BACE1-AS: variants seen among roughly 807,000 people sequenced by gnomAD.
The protein encoded by BACE1-AS is BACE1 antisense RNA, also known as BACE1 antisense RNA (non-protein coding).
intron 2 of BACE1-AS, chr11:117,291,904 G>T: frequency 1.1e-6 from 1 of 891,426 alleles, no homozygotes; most frequent in Non-Finnish European, 1.8e-6. Flanking sequence ...CCCCAGCTGG[G>T]TTGGCATCTT....
At chr11:117,291,839 A>G (rs749128675) in intron 2 of BACE1-AS, 1 of 1,568,344 alleles carries the variant, frequency 6.4e-7, no homozygotes, top group Non-Finnish European at 8.8e-7. Flanking sequence ...GAGAGTTAAA[A>G]GAGTCAAAAG....
At chr11:117,291,659 G>A (rs540255037) in intron 1 of BACE1-AS, 78 of 1,309,022 alleles carry the variant, frequency 6.0e-5, no homozygotes, top group Middle Eastern at 1.8e-4. Context: ...GACTCTCACC[G>A]CCTCCCTCTG....
chr11:117,291,822 G>A (rs1212254420), intron 2 of BACE1-AS: 11 of 1,593,728 alleles, frequency 6.9e-6, no homozygotes, highest in Admixed American at 1.7e-5. Context: ...TACTAAGAGG[G>A]AAAAGAGAGA....
chr11:117,291,677 A>G, intron 1 of BACE1-AS: 1 of 1,468,138 alleles, frequency 6.8e-7, no homozygotes, highest in Non-Finnish European at 9.5e-7. Flanking sequence ...CTGACACTGT[A>G]CCATCTCTTT....
At chr11:117,291,679 C>A in intron 1 of BACE1-AS, 2 of 1,479,962 alleles carry the variant, frequency 1.4e-6, no homozygotes, top group Admixed American at 1.7e-5. Flanking sequence ...GACACTGTAC[C>A]ATCTCTTTTA....
chr11:117,292,055 C>T (rs1007647521), intron 2 of BACE1-AS: 3 of 276,162 alleles, frequency 1.1e-5, no homozygotes, highest in African/African-American at 6.5e-5. Flanking sequence ...ATGTAAAGCA[C>T]TTAGAATCGT....
chr11:117,291,655 C>T, intron 1 of BACE1-AS: 2 of 1,284,002 alleles, frequency 1.6e-6, no homozygotes. Context: ...ATGTGACTCT[C>T]ACCGCCTCCC....
chr11:117,292,012 A>G, intron 2 of BACE1-AS: 1 of 427,584 alleles, frequency 2.3e-6, no homozygotes, highest in East Asian at 3.8e-5. Flanking sequence ...CACCTACCTC[A>G]AAGGGTTATT....
exon 2 of BACE1-AS, chr11:117,291,758 T>G: frequency 6.2e-7 from 1 of 1,613,656 alleles, no homozygotes; most frequent in African/African-American, 1.3e-5. Flanking sequence ...AAACACTTTC[T>G]TGGGCAAACG....
chr11:117,291,690 C>T lies in BACE1-AS; in HGVS notation n.57-13C>T, dbSNP rs758654476. On this transcript the variant is annotated splice_polypyrimidine_tract_variant and intron_variant and non_coding_transcript_variant, in intron 1 of 3. Transcript: ENST00000614401. ...CTCTGACACTGTACCATCTCTTTTA[C>T]CCCCATCCTTAGTCCACTCACGGAG... The T allele has an allele frequency of 5.2e-6, 8 of 1,551,822 alleles. No individual in the cohort carries two copies. In the South Asian group the frequency reaches 8.9e-5, roughly 17 times the overall value.
chr11:117,291,769 A>G, exon 2 of BACE1-AS: 1 of 1,613,490 alleles, frequency 6.2e-7, no homozygotes, highest in African/African-American at 1.3e-5. Context: ...TGGGCAAACG[A>G]AGGTTGGTGG....
At chr11:117,291,866 T>C in intron 2 of BACE1-AS, 1 of 1,415,280 alleles carries the variant, frequency 7.1e-7, no homozygotes, top group South Asian at 1.2e-5. Flanking sequence ...GATGCTGGGC[T>C]CTGGGCAGTA....
exon 2 of BACE1-AS, chr11:117,291,747 C>T (rs2034444836): frequency 1.9e-6 from 3 of 1,613,530 alleles, no homozygotes; most frequent in African/African-American, 2.7e-5. Context: ...ACTGCAGCTT[C>T]AAACACTTTC....
Position 117,291,964 on chromosome 11 carries a change from C to T in BACE1-AS, n.125+193C>T, listed in dbSNP as rs2034452461. The T allele has an allele frequency of 4.4e-5, 23 of 527,514 alleles. 1 individual carries two copies. In the South Asian group the frequency reaches 5.2e-4, roughly 12 times the overall value. 32.7% of individuals were successfully genotyped at this position (527,514 alleles called of 1,614,324 possible). ...CTGCTTGGACAAGTTAACCTCTGTG[C>T]CTCAGTTCCTTCATCTCTAAAGTGA... On this transcript the variant is annotated intron_variant and non_coding_transcript_variant, in intron 2 of 3. Coordinates refer to ENST00000614401, the Ensembl canonical transcript of BACE1-AS.
chr11:117,292,022 T>TG, intron 2 of BACE1-AS: 1 of 394,090 alleles, frequency 2.5e-6, no homozygotes. Context: ...AAAGGGTTAT[T>TG]GTAAGGATTA....
At chr11:117,292,009 C>T (rs1210207191) in intron 2 of BACE1-AS, 2 of 432,858 alleles carry the variant, frequency 4.6e-6, no homozygotes, top group Non-Finnish European at 8.5e-6. Context: ...TAGCACCTAC[C>T]TCAAAGGGTT....
Sources: gnomAD v4.1 joint callset for allele counts on GRCh38, gnomAD v4.1.1 for gene constraint, MANE v1.5 for transcripts, NCBI Gene and HGNC (gene_info 2026-07-23, HGNC 2026-07-21) for gene names.